The following RIMS2 variants were observed in gnomAD, a reference collection of about 807,000 sequenced individuals.
RIMS2 encodes regulating synaptic membrane exocytosis protein 2.
RIMS2 carries 59 observed loss-of-function variants against 174.4 expected under a neutral mutation model. The ratio of observed to expected loss-of-function variants is 0.34; its 90% CI spans 0.27 to 0.42. The LOEUF (loss-of-function observed/expected upper bound fraction) is 0.42. Ranked by LOEUF, RIMS2 falls within the 10% of genes least tolerant of loss-of-function variation. The pLI, the probability that RIMS2 is intolerant of heterozygous loss-of-function variation, is 1.00. For synonymous variants in RIMS2, 606 were observed against 572.5 expected (o/e 1.06, Z -0.84); for missense variants, 1,620 against 1,666.3 (o/e 0.97, Z 0.48).
At chr8:103,801,729 T>A (rs1305543637) in intron 3 of RIMS2, among the ~76,000 whole-genome samples, 2 of 152,232 alleles carry the variant, frequency 1.3e-5, no homozygotes, top group Non-Finnish European at 2.9e-5. Flanking sequence ...TAGTCTGCTA[T>A]CCACTTGTTT....
intron 1 of RIMS2, among the ~76,000 whole-genome samples, chr8:103,507,015 TTAAC>T (rs1824015144): frequency 2.0e-5 from 3 of 152,158 alleles, no homozygotes. Flanking sequence ...ACTCTATTAT[TTAAC>T]TAAAATCTAT....
At position 104,205,758 on chromosome 8, in the gene RIMS2, AT is replaced by A. The variant is rs1400866418; in HGVS notation, c.3335-39143del. Among the ~76,000 whole-genome samples, 694 of 144,326 alleles carry A rather than the reference AT, an allele frequency of 4.8e-3. 1 individual carries two copies. Among genetic ancestry groups the A allele is most frequent in the Middle Eastern group, 0.018 (5 of 278 alleles). The allele number at this position is 144,326 out of a possible 152,430, so 94.7% of individuals were successfully genotyped here. On this transcript the variant is annotated intron_variant, in intron 19 of 23. Coordinates refer to ENST00000504942, the Ensembl canonical transcript of RIMS2. ...CATCGAGAACTGCTTATTTATTTGA[AT>A]TTTTTTTTTTTTTTGAGATGAAGTC...
chr8:104,025,338 A>C (rs1368766655), intron 19 of RIMS2, among the ~76,000 whole-genome samples: 2 of 152,044 alleles, frequency 1.3e-5, no homozygotes, highest in Non-Finnish European at 2.9e-5. Flanking sequence ...AAATTTAAAA[A>C]TTACGCAGGC....
At chr8:103,931,152 T>C in intron 11 of RIMS2, 111 bp from the exon 14 acceptor site, 1 of 739,456 alleles carries the variant, frequency 1.4e-6, no homozygotes, top group Non-Finnish European at 2.2e-6. Flanking sequence ...AAGTAAAGTT[T>C]ATATTCTGTG....
intron 17 of RIMS2, among the ~76,000 whole-genome samples, chr8:104,003,273 T>C (rs927948270): frequency 2.6e-5 from 4 of 152,170 alleles, no homozygotes; most frequent in African/African-American, 9.7e-5. Context: ...AGGGAGGATA[T>C]TTGTGACATT....
chr8:103,901,106 C>A (rs749142996), intron 4 of RIMS2, among the ~76,000 whole-genome samples: 2 of 152,096 alleles, frequency 1.3e-5, no homozygotes, highest in Non-Finnish European at 2.9e-5. Context: ...GTCACCTGGC[C>A]TCTATTTCAG....
intron 19 of RIMS2, among the ~76,000 whole-genome samples, chr8:104,205,544 C>T (rs1490221808): frequency 1.3e-5 from 2 of 151,854 alleles, no homozygotes; most frequent in Non-Finnish European, 1.5e-5. Flanking sequence ...CCTCCCTATT[C>T]GTCATAACTT....
At chr8:103,543,298 G>C (rs1843386271) in intron 1 of RIMS2, among the ~76,000 whole-genome samples, 1 of 152,140 alleles carries the variant, frequency 6.6e-6, no homozygotes, top group Non-Finnish European at 1.5e-5. Context: ...AGGAATAAAT[G>C]TAACCAAGGA....
chr8:103,753,634 C>G (rs113245643), intron 2 of RIMS2, among the ~76,000 whole-genome samples: 1 of 151,900 alleles, frequency 6.6e-6, no homozygotes, highest in Non-Finnish European at 1.5e-5. Context: ...CGGAGATTCA[C>G]CTTCTTCCTG....
chr8:104,022,198 G>T (rs773963191), intron 19 of RIMS2, among the ~76,000 whole-genome samples: 10 of 152,092 alleles, frequency 6.6e-5, no homozygotes, highest in Non-Finnish European at 1.3e-4. Flanking sequence ...AGTCAGGCCC[G>T]TCTCATAATC....
chr8:103,797,368 C>A (rs562112186), intron 3 of RIMS2, among the ~76,000 whole-genome samples: 5 of 152,248 alleles, frequency 3.3e-5, no homozygotes, highest in Admixed American at 3.3e-4. Flanking sequence ...AGCATACTTA[C>A]TTTTACATGT....
chr8:103,557,161 C>A (rs2090641644), intron 1 of RIMS2, among the ~76,000 whole-genome samples: 1 of 152,196 alleles, frequency 6.6e-6, no homozygotes, highest in South Asian at 2.1e-4. Context: ...AGTAGATTCT[C>A]AAAAACCGAT....
intron 3 of RIMS2, among the ~76,000 whole-genome samples, chr8:103,791,486 T>C (rs1018560317): frequency 6.6e-6 from 1 of 152,182 alleles, no homozygotes; most frequent in African/African-American, 2.4e-5. Context: ...GTAAAGACCG[T>C]CGATGCTAGG....
chr8:103,574,243 T>C (rs373516591), intron 1 of RIMS2, among the ~76,000 whole-genome samples: 1 of 152,262 alleles, frequency 6.6e-6, no homozygotes, highest in African/African-American at 2.4e-5. Flanking sequence ...TTGCCCTAGG[T>C]TCCCCCACTT....
chr8:103,731,445 A>G (rs1591276913), intron 2 of RIMS2, among the ~76,000 whole-genome samples: 1 of 152,166 alleles, frequency 6.6e-6, no homozygotes, highest in Non-Finnish European at 1.5e-5. Context: ...CTTGGAGTTA[A>G]GTTTTGGTAT....
At chr8:103,857,787 T>C (rs1437465410) in intron 3 of RIMS2, among the ~76,000 whole-genome samples, 1 of 152,202 alleles carries the variant, frequency 6.6e-6, no homozygotes, top group Non-Finnish European at 1.5e-5. Context: ...CTATTACAAC[T>C]CTCTTCTCAC....
rs528378039 is a variant in RIMS2, at chr8:103,556,535, T to G, written c.176+55473T>G. On this transcript the variant is annotated intron_variant, in intron 1 of 23. Coordinates refer to ENST00000504942, the Ensembl canonical transcript of RIMS2. Reference sequence around the variant, plus strand: ...TAAATAAGTTAGGTGACATTCAGAGTTATACTGGGGTAGCCAGGACTTCAT... The same window carrying G: ...TAAATAAGTTAGGTGACATTCAGAGGTATACTGGGGTAGCCAGGACTTCAT... Among the ~76,000 whole-genome samples the G allele has an allele frequency of 7.9e-5, 12 of 152,252 alleles. No homozygotes were observed. In the East Asian group the frequency reaches 2.3e-3, roughly 29 times the overall value.
At chr8:103,586,773 C>T (rs1040132676) in intron 1 of RIMS2, among the ~76,000 whole-genome samples, 1 of 151,404 alleles carries the variant, frequency 6.6e-6, no homozygotes, top group Non-Finnish European at 1.5e-5. Flanking sequence ...TGAAATGAAA[C>T]AACACAAAAG....
intron 1 of RIMS2, among the ~76,000 whole-genome samples, chr8:103,611,391 C>G (rs909092732): frequency 6.6e-6 from 1 of 152,002 alleles, no homozygotes; most frequent in South Asian, 2.1e-4. Context: ...TTTCTGCATG[C>G]TTAGTGAGTT....
Sources: gnomAD v4.1 joint callset for allele counts (sites outside exome capture counted in the v4.1 genomes callset) on GRCh38, gnomAD v4.1.1 for gene constraint, MANE v1.5 for transcripts, NCBI Gene and HGNC (gene_info 2026-07-23, HGNC 2026-07-21) for gene names.